Variants in ITGA1 observed in about 807,000 individuals in gnomAD.
ITGA1 encodes integrin alpha-1.
Under a neutral mutation model 145.9 loss-of-function variants are expected in ITGA1, and 85 were observed. The ratio of observed to expected loss-of-function variants is 0.58; its 90% confidence interval spans 0.49 to 0.70. The LOEUF is 0.70. Ranked by LOEUF, ITGA1 falls within the 30% of genes least tolerant of loss-of-function variation. The pLI, the probability that ITGA1 is intolerant of heterozygous loss-of-function variation, is 0.00. For missense variants in ITGA1, 1,351 were observed against 1,418.7 expected (o/e 0.95, Z 0.77); for synonymous variants, 520 against 495.3 (o/e 1.05, Z -0.66).
rs1751262008 is a variant in ITGA1 at position 52,953,599 on chromosome 5, A to G, written c.*1148A>G. On this transcript the variant is annotated 3_prime_UTR_variant, in exon 29 of 29. Transcript: ENST00000282588. Reference sequence around the variant, plus strand: ...TGCATCAATATTTAAATAAAATCCCAGAAATGTATTTTAAAGAATTTCAGG... The same window carrying G: ...TGCATCAATATTTAAATAAAATCCCGGAAATGTATTTTAAAGAATTTCAGG... 6.6e-6 allele frequency: 1 copy of G among 152,238 alleles called. No homozygotes were observed. Among genetic ancestry groups the G allele is most frequent in the Admixed American group, 6.5e-5 (1 of 15,290 alleles). The allele number at this position is 152,238 out of a possible 1,614,324, so 9.4% of individuals were successfully genotyped here.
At chr5:52,917,115 G>T (rs1356368454) in intron 15 of ITGA1, among the ~76,000 whole-genome samples, 1 of 152,204 alleles carries the variant, frequency 6.6e-6, no homozygotes, top group Non-Finnish European at 1.5e-5. Context: ...ACGTTTGGAA[G>T]CAAATAGTGA....
chr5:52,830,449 T>G (rs192084818), intron 1 of ITGA1, among the ~76,000 whole-genome samples: 1 of 152,304 alleles, frequency 6.6e-6, no homozygotes, highest in Admixed American at 6.5e-5. Flanking sequence ...CCAGAGAGTA[T>G]ACCTTAAAAC....
In ITGA1 at chr5:52,915,459, C is replaced by T. The variant is rs1422102968; in HGVS notation, c.1858-5C>T. 6.2e-7 allele frequency: 1 copy of T among 1,611,344 alleles called. No individual in the cohort carries two copies. The highest frequency in any genetic ancestry group is 1.7e-5 in the Admixed American group (1 of 59,284). ...TATGAAACTCTTTTTTTTGGATTCT[C>T]ACAGCGTATTCCATCAGGTGGGGAT... On this transcript the variant is annotated splice_polypyrimidine_tract_variant and splice_region_variant and intron_variant, in intron 14 of 28. Coordinates refer to ENST00000282588, the MANE Select transcript of ITGA1 (RefSeq NM_181501.2).
At chr5:52,846,293 C>T (rs1321364127) in intron 1 of ITGA1, among the ~76,000 whole-genome samples, 1 of 152,094 alleles carries the variant, frequency 6.6e-6, no homozygotes, top group Non-Finnish European at 1.5e-5. Context: ...ATCTCAGCTA[C>T]TCAAGAGGCT....
At chr5:52,929,074 G>T (rs1750858433) in intron 20 of ITGA1, among the ~76,000 whole-genome samples, 1 of 152,104 alleles carries the variant, frequency 6.6e-6, no homozygotes, top group Non-Finnish European at 1.5e-5. Flanking sequence ...GTCTATTCTG[G>T]CTGCTATAAC....
chr5:52,811,152 T>G (rs1392020148), intron 1 of ITGA1, among the ~76,000 whole-genome samples: 2 of 152,222 alleles, frequency 1.3e-5, no homozygotes, highest in African/African-American at 4.8e-5. Context: ...ACATTGCATT[T>G]GTGAATAACC....
rs779518578 is a variant in ITGA1 at position 52,957,912 on chromosome 5, C to T, written c.*5461C>T. 1 of 152,140 alleles carries T rather than the reference C, an allele frequency of 6.6e-6. No individual in the cohort carries two copies. The highest frequency in any genetic ancestry group is 2.4e-5 in the African/African-American group (1 of 41,440). 9.4% of individuals were successfully genotyped at this position (152,140 alleles called of 1,614,324 possible). On this transcript the variant is annotated 3_prime_UTR_variant, in exon 29 of 29. Coordinates refer to ENST00000282588, the MANE Select transcript of ITGA1 (RefSeq NM_181501.2). ...ATTGTAGGAACTCTTTTGCAATAGA[C>T]TGAGATCCAATGTTTAAATCTTTTT...
intron 2 of ITGA1, among the ~76,000 whole-genome samples, chr5:52,859,288 A>G (rs1749562599): frequency 1.3e-5 from 2 of 152,192 alleles, no homozygotes; most frequent in Admixed American, 1.3e-4. Flanking sequence ...TGAAATAATT[A>G]GTTTTTATTT....
intron 6 of ITGA1, among the ~76,000 whole-genome samples, chr5:52,878,770 T>G (rs183972218): frequency 6.6e-6 from 1 of 152,282 alleles, no homozygotes; most frequent in Admixed American, 6.5e-5. Context: ...GGAGACCAGG[T>G]TACAATTTGT....
chr5:52,816,803 G>C (rs888918009), intron 1 of ITGA1, among the ~76,000 whole-genome samples: 10 of 152,216 alleles, frequency 6.6e-5, no homozygotes, highest in African/African-American at 2.4e-4. Flanking sequence ...CTGGAGAGTA[G>C]TGAGTATATT....
In ITGA1 at chr5:52,830,806, G is replaced by A. The variant is rs116188553; in HGVS notation, c.62-18559G>A. ...TAACATACTTTCCATCTATACGCCA[G>A]GCAGGGCTGTCAGTTTGTGGAAAGG... On this transcript the variant is annotated intron_variant, in intron 1 of 28. Transcript: ENST00000282588. 2.7e-3 allele frequency among the ~76,000 whole-genome samples: 416 copies of A among 152,294 alleles called. 1 individual carries two copies. Among genetic ancestry groups the A allele is most frequent in the African/African-American group, 9.5e-3 (395 of 41,578 alleles).
Position 52,873,235 on chromosome 5 carries a change from A to G in ITGA1, c.624+7418A>G, listed in dbSNP as rs1749806870. On this transcript the variant is annotated intron_variant, in intron 6 of 28. Transcript: ENST00000282588. ...GGGATTCCCCTGGACAACCCTTTAC[A>G]TTGTATTTCAGTCTTTTCTTTGCAG... Among the ~76,000 whole-genome samples, 4 of 152,090 alleles carry G rather than the reference A, an allele frequency of 2.6e-5. No homozygotes were observed. In the South Asian group the frequency reaches 8.3e-4, roughly 32 times the overall value.
At chr5:52,842,337 T>G (rs1347129094) in intron 1 of ITGA1, among the ~76,000 whole-genome samples, 1 of 152,170 alleles carries the variant, frequency 6.6e-6, no homozygotes, top group Non-Finnish European at 1.5e-5. Context: ...TGTATGTCAT[T>G]GCAGCCAAGT....
At chr5:52,878,994 ATTAG>A (rs1749913182) in intron 6 of ITGA1, among the ~76,000 whole-genome samples, 1 of 152,004 alleles carries the variant, frequency 6.6e-6, no homozygotes. Flanking sequence ...GTATTAATGA[ATTAG>A]TTGGAGGTCT....
intron 24 of ITGA1, among the ~76,000 whole-genome samples, chr5:52,938,565 G>T (rs1452112672): frequency 6.6e-6 from 1 of 152,108 alleles, no homozygotes; most frequent in East Asian, 1.9e-4. Flanking sequence ...AAGCAGGTTT[G>T]TGAAAATCCA....
At chr5:52,869,270 C>T (rs1285712167) in intron 6 of ITGA1, among the ~76,000 whole-genome samples, 2 of 152,212 alleles carry the variant, frequency 1.3e-5, no homozygotes, top group South Asian at 4.1e-4. Context: ...AAGCAATTCT[C>T]GTGCCTCAGC....
rs368601765 is a variant in ITGA1 at position 52,927,619 on chromosome 5, T to A, written c.2649T>A (p.Asn883Lys). 8 of 1,611,816 alleles carry A rather than the reference T, an allele frequency of 5.0e-6. No homozygotes were observed. The highest frequency in any genetic ancestry group is 6.8e-6 in the Non-Finnish European group (8 of 1,178,374). The stretch of plus-strand genomic sequence containing the variant: ...AAGACAGTTGTGAATCTAATCATAA[T>A]ATCACATGTAAAGTTGGATATCCCT... ...IQKDSCESNH[N>K]ITCKVGYPFL... Residue 883 changes from asparagine to lysine, a missense_variant, in exon 20 of 29, where the codon AAT becomes AAA. Coordinates refer to ENST00000282588, the MANE Select transcript of ITGA1 (RefSeq NM_181501.2).
chr5:52,939,671 C>T lies in ITGA1; in HGVS notation c.3160C>T (p.Leu1054Phe). The change falls in exon 25 of 29, where the codon CTC becomes TTC. Residue 1054 changes from leucine to phenylalanine, a missense_variant. By Grantham distance (22) the Leu-to-Phe change is conservative. Coordinates refer to ENST00000282588, the MANE Select transcript of ITGA1 (RefSeq NM_181501.2). ...GAAAATGACTACATCAACTGACCAT[C>T]TCAAACGAGGCACAATTCTGGTAAA... ...GKKMTTSTDH[L>F]KRGTILDCNT... 1 of 1,612,146 alleles carries T rather than the reference C, an allele frequency of 6.2e-7. No individual in the cohort carries two copies. Among genetic ancestry groups the T allele is most frequent in the African/African-American group, 1.3e-5 (1 of 74,976 alleles).
intron 12 of ITGA1, among the ~76,000 whole-genome samples, chr5:52,906,320 G>A (rs1750406519): frequency 6.6e-6 from 1 of 152,166 alleles, no homozygotes. Flanking sequence ...AGAAAGAGCA[G>A]TGAAAGAGAA....
Sources: allele counts gnomAD v4.1 joint callset (sites outside exome capture counted in the v4.1 genomes callset), GRCh38; gene constraint gnomAD v4.1.1; transcripts MANE v1.5; gene names NCBI Gene and HGNC (gene_info 2026-07-23, HGNC 2026-07-21).